MTAP: variants seen among roughly 807,000 people sequenced by gnomAD.
The protein encoded by MTAP is methylthioadenosine phosphorylase, also known as S-methyl-5'-thioadenosine phosphorylase.
In MTAP, 33 loss-of-function variants were observed where a neutral mutation model predicts 33.6. The observed-to-expected ratio is 0.98, with a 90% CI of 0.74 to 1.31. The LOEUF (loss-of-function observed/expected upper bound fraction) is 1.31, where lower values mean the gene tolerates loss of function less well. Among genes scored for constraint, MTAP ranks in the 40% most tolerant of loss-of-function variants. The pLI is 0.00. For synonymous variants in MTAP, 148 were observed against 125.7 expected, an observed-to-expected ratio of 1.18 and a Z score of -1.19; for missense variants, 367 against 360.0, an observed-to-expected ratio of 1.02 and a Z score of -0.16.
Position 21,818,143 on chromosome 9 carries a change from C to T in MTAP, c.288C>T (p.Gly96=). The change falls in exon 4 of 8, where the codon GGC becomes GGT. Residue 96 remains glycine (G), a synonymous_variant. Transcript: ENST00000644715. ...CTHVIVTTAC[G]SLREEIQPGD... ...ATGTCATAGTGACCACAGCTTGTGG[C>T]TCCTTGAGGGAGGAGATTCAGCCCG... 1 of 1,613,916 alleles carries T rather than the reference C, an allele frequency of 6.2e-7. No individual in the cohort carries two copies. Among genetic ancestry groups the T allele is most frequent in the Non-Finnish European group, 8.5e-7 (1 of 1,179,980 alleles).
At chr9:21,920,933 G>C (rs535898879) in intron 1 of MTAP, among the ~76,000 whole-genome samples, 1 of 152,160 alleles carries the variant, frequency 6.6e-6, no homozygotes, top group South Asian at 2.1e-4. Context: ...CTTGTAGAAA[G>C]AGTTTGGAAG....
At chr9:21,930,691 T>A in intron 1 of MTAP, 1 of 565,616 alleles carries the variant, frequency 1.8e-6, no homozygotes, top group Non-Finnish European at 3.1e-6. Context: ...GCAGTTGTAG[T>A]CCTCCAAAAC....
At chr9:21,875,511 A>G (rs1336382163) in intron 1 of MTAP, among the ~76,000 whole-genome samples, 1 of 151,948 alleles carries the variant, frequency 6.6e-6, no homozygotes, top group Non-Finnish European at 1.5e-5. Flanking sequence ...AGGTGGGTAG[A>G]TTGCAAAAAT....
chr9:21,837,818 C>T (rs1368923626), intron 4 of MTAP, 90 bp from the exon 5 acceptor site: 4 of 940,532 alleles, frequency 4.3e-6, no homozygotes, highest in Non-Finnish European at 6.6e-6. Flanking sequence ...CAAATATTGA[C>T]CTAGATAAAG....
At chr9:21,803,403 TC>T (rs1483624289) in intron 1 of MTAP, 1 of 154,292 alleles carries the variant, frequency 6.5e-6, no homozygotes, top group African/African-American at 2.4e-5. Flanking sequence ...GAGACTTTCT[TC>T]GAAAAGGAGT....
At position 21,802,730 on chromosome 9, in the gene MTAP, ATTCC is replaced by A; in HGVS notation, c.-16_-13del. On this transcript the variant is annotated 5_prime_UTR_variant, in exon 1 of 8. Coordinates refer to ENST00000644715, the MANE Select transcript of MTAP (RefSeq NM_002451.4). Reference sequence around the variant, plus strand: ...AGTCCCGAGCGCTCGCCCACTGCAGATTCCTTTCCCGTGCAGACATGGCCTCTGG... The same window carrying A: ...AGTCCCGAGCGCTCGCCCACTGCAGATTTCCCGTGCAGACATGGCCTCTGG... The A allele has an allele frequency of 6.2e-7, 1 of 1,612,546 alleles. No homozygotes were observed. Among genetic ancestry groups the A allele is most frequent in the Non-Finnish European group, 8.5e-7 (1 of 1,179,728 alleles).
Position 21,839,114 on chromosome 9 carries a change from C to T in MTAP, c.450+1104C>T, listed in dbSNP as rs539633542. Among the ~76,000 whole-genome samples, 13 of 151,150 alleles carry T rather than the reference C, an allele frequency of 8.6e-5. No individual in the cohort carries two copies. In the South Asian group the frequency reaches 2.3e-3, roughly 27 times the overall value. ...AACCGAGTACTGAGGGAAGCCATTTCGGAGATACCACTGCGCATTGATTTT... is the reference window on the plus strand; with the variant it reads ...AACCGAGTACTGAGGGAAGCCATTTTGGAGATACCACTGCGCATTGATTTT... On this transcript the variant is annotated intron_variant, in intron 5 of 7. Coordinates refer to ENST00000644715, the MANE Select transcript of MTAP (RefSeq NM_002451.4).
intron 1 of MTAP, among the ~76,000 whole-genome samples, chr9:21,878,903 C>T (rs940976550): frequency 1.3e-5 from 2 of 152,082 alleles, no homozygotes; most frequent in East Asian, 1.9e-4. Flanking sequence ...ATTTTTATTG[C>T]GCTATAGTCC....
Position 21,802,800 on chromosome 9 carries a change from G to A in MTAP, c.33+19G>A, listed in dbSNP as rs1824083427. On this transcript the variant is annotated intron_variant, in intron 1 of 7. Coordinates refer to ENST00000644715, the MANE Select transcript of MTAP (RefSeq NM_002451.4). ...CGTGAAGGTGAGATGAGCCCTCCCA[G>A]CCGCAGCGGTTCGCCCTGCCGGATG... is the stretch of plus-strand genomic sequence containing the variant. 1.2e-6 allele frequency: 2 copies of A among 1,612,612 alleles called. No individual in the cohort carries two copies. Among genetic ancestry groups the A allele is most frequent in the South Asian group, 2.2e-5 (2 of 90,942 alleles).
intron 5 of MTAP, among the ~76,000 whole-genome samples, chr9:21,840,140 C>T (rs1210714352): frequency 1.3e-5 from 2 of 151,818 alleles, no homozygotes; most frequent in Admixed American, 6.6e-5. Flanking sequence ...GCAGGAGAAT[C>T]GCTTGAACCT....
intron 1 of MTAP, among the ~76,000 whole-genome samples, chr9:21,804,468 G>C (rs1264079958): frequency 6.6e-6 from 1 of 152,174 alleles, no homozygotes; most frequent in East Asian, 1.9e-4. Context: ...TGTAAATATT[G>C]AATAGTGTGT....
In MTAP at chr9:21,854,852, G is replaced by GA; in HGVS notation, c.674dup (p.Glu226GlyfsTer20). ...CCATGGCGACAGATTATGACTGCTGGAAGGAGCACGAGGAAGCAGTAGGTG... is the reference window on the plus strand; with the variant it reads ...CCATGGCGACAGATTATGACTGCTGGAAAGGAGCACGAGGAAGCAGTAGGTG... On this transcript the variant is annotated frameshift_variant, in exon 6 of 8. Coordinates refer to ENST00000644715, the MANE Select transcript of MTAP (RefSeq NM_002451.4). LOFTEE classifies it high-confidence loss of function. 1.2e-6 allele frequency: 2 copies of GA among 1,614,116 alleles called. No homozygotes were observed. The highest frequency in any genetic ancestry group is 2.7e-5 in the African/African-American group (2 of 75,056).
downstream of MTAP, chr9:21,932,361 G>A (rs1818975212): frequency 6.6e-6 from 1 of 152,228 alleles, no homozygotes; most frequent in South Asian, 2.1e-4. Flanking sequence ...GAGGATAGAG[G>A]AGTCTAAATT....
intron 1 of MTAP, among the ~76,000 whole-genome samples, chr9:21,927,874 T>C (rs1203053841): frequency 6.6e-6 from 1 of 152,234 alleles, no homozygotes; most frequent in African/African-American, 2.4e-5. Flanking sequence ...CTTGGAATAC[T>C]CCTATTACAT....
At chr9:21,856,974 C>T (rs1476703719) in intron 6 of MTAP, among the ~76,000 whole-genome samples, 1 of 152,130 alleles carries the variant, frequency 6.6e-6, no homozygotes, top group African/African-American at 2.4e-5. Context: ...TGAAAGATTA[C>T]TGGAAGAATT....
At chr9:21,916,266 A>C (rs1818690383) in intron 1 of MTAP, among the ~76,000 whole-genome samples, 1 of 152,192 alleles carries the variant, frequency 6.6e-6, no homozygotes, top group Non-Finnish European at 1.5e-5. Context: ...AGATGAGGTC[A>C]TACCGGGTTG....
chr9:21,915,051 C>T (rs200664629), intron 1 of MTAP, among the ~76,000 whole-genome samples: 1,205 of 36,434 alleles, frequency 0.033, 118 homozygotes, highest in African/African-American at 0.14. Flanking sequence ...TTCCTTCCTT[C>T]CTTCCTTTCT....
intron 1 of MTAP, 26 bp downstream of exon 1, chr9:21,802,807 C>T (rs1052690126): frequency 2.5e-6 from 4 of 1,612,170 alleles, no homozygotes; most frequent in Non-Finnish European, 3.4e-6. Flanking sequence ...CCAGCCGCAG[C>T]GGTTCGCCCT....
intron 4 of MTAP, among the ~76,000 whole-genome samples, chr9:21,832,004 C>T (rs1472131157): frequency 6.6e-6 from 1 of 152,166 alleles, no homozygotes; most frequent in Non-Finnish European, 1.5e-5. Context: ...CCTGGCTGTG[C>T]CGTGAAATTC....
Sources: allele counts gnomAD v4.1 joint callset (sites outside exome capture counted in the v4.1 genomes callset), GRCh38; gene constraint gnomAD v4.1.1; transcripts MANE v1.5; gene names NCBI Gene and HGNC (gene_info 2026-07-23, HGNC 2026-07-21).